Variants in TP63 observed in about 807,000 individuals in gnomAD.
The protein encoded by TP63 is tumor protein p63, also known as tumor protein 63.
Under a neutral mutation model 82.8 loss-of-function variants are expected in TP63, and 17 were observed. That is an observed-to-expected ratio of 0.21 (90% CI 0.14 to 0.31). TP63 has a LOEUF of 0.31. Ranked by LOEUF, TP63 falls within the 10% of genes least tolerant of loss-of-function variation. TP63 has a pLI of 1.00. For synonymous variants in TP63, 330 were observed against 321.7 expected (o/e 1.03, Z -0.28); for missense variants, 648 against 895.3 (o/e 0.72, Z 3.52).
chr3:189,785,035 G>C (rs1419689749), intron 3 of TP63, among the ~76,000 whole-genome samples: 1 of 152,044 alleles, frequency 6.6e-6, no homozygotes, highest in East Asian at 1.9e-4. Flanking sequence ...TTTCACGCAT[G>C]TTCTAAAAAC....
chr3:189,720,282 T>C (rs911119876), intron 1 of TP63, among the ~76,000 whole-genome samples: 1 of 152,192 alleles, frequency 6.6e-6, no homozygotes, highest in Non-Finnish European at 1.5e-5. Flanking sequence ...GATCAAAGCT[T>C]GTGAACACTC....
At chr3:189,839,899 T>C (rs7610858) in intron 4 of TP63, among the ~76,000 whole-genome samples, 152,226 of 152,284 alleles carry the variant, frequency 1, 76,084 homozygotes, top group Middle Eastern at 1. Flanking sequence ...GCAAGGGTGC[T>C]GCAGTGAGGG....
chr3:189,707,168 C>T (rs1718265995), intron 1 of TP63, among the ~76,000 whole-genome samples: 1 of 152,176 alleles, frequency 6.6e-6, no homozygotes, highest in African/African-American at 2.4e-5. Context: ...TTTTTAAAAA[C>T]CATCTACTAT....
chr3:189,791,245 A>G (rs372214401), intron 3 of TP63, among the ~76,000 whole-genome samples: 4 of 152,138 alleles, frequency 2.6e-5, no homozygotes, highest in Non-Finnish European at 5.9e-5. Context: ...CACACACAGT[A>G]TTTATAAGCC....
At chr3:189,670,347 C>A (rs761329084) in intron 1 of TP63, among the ~76,000 whole-genome samples, 2 of 151,996 alleles carry the variant, frequency 1.3e-5, no homozygotes, top group Non-Finnish European at 2.9e-5. Flanking sequence ...GCACACAATA[C>A]ATGACAACTG....
chr3:189,881,269 T>A (rs1383806940), intron 10 of TP63: 1 of 985,164 alleles, frequency 1.0e-6, no homozygotes, highest in Non-Finnish European at 1.2e-6. Flanking sequence ...AGACTACTTT[T>A]CTTTTTTTTA....
the TP63 span, among the ~76,000 whole-genome samples, chr3:189,604,173 A>G: frequency 3.9e-5 from 6 of 152,292 alleles, no homozygotes; most frequent in African/African-American, 1.4e-4. Context: ...TGTCCATTCC[A>G]TACTCCCACC....
At chr3:189,637,600 G>C (rs1711501168) in intron 1 of TP63, among the ~76,000 whole-genome samples, 1 of 152,114 alleles carries the variant, frequency 6.6e-6, no homozygotes, top group Admixed American at 6.6e-5. Flanking sequence ...TTGACTACCA[G>C]TTCAAAGCTC....
At chr3:189,806,255 G>T (rs1726892007) in intron 3 of TP63, among the ~76,000 whole-genome samples, 1 of 151,854 alleles carries the variant, frequency 6.6e-6, no homozygotes, top group African/African-American at 2.4e-5. Flanking sequence ...TTCCTTCTGT[G>T]TAGCTAGAAG....
intron 1 of TP63, among the ~76,000 whole-genome samples, chr3:189,673,337 A>C (rs1715097775): frequency 6.6e-6 from 1 of 152,294 alleles, no homozygotes; most frequent in East Asian, 1.9e-4. Flanking sequence ...ATTAGAGAAA[A>C]GGGAAAGTTT....
the TP63 span, among the ~76,000 whole-genome samples, chr3:189,605,991 G>A: frequency 6.6e-6 from 1 of 152,044 alleles, no homozygotes; most frequent in East Asian, 1.9e-4. Flanking sequence ...ATAACACTGT[G>A]GTTCCAAAGA....
intron 4 of TP63, among the ~76,000 whole-genome samples, chr3:189,811,305 A>G (rs1386430605): frequency 6.6e-6 from 1 of 152,206 alleles, no homozygotes; most frequent in African/African-American, 2.4e-5. Context: ...GCATCGATAT[A>G]TTGTCTGCCA....
intron 3 of TP63, among the ~76,000 whole-genome samples, chr3:189,753,676 A>G (rs1426083632): frequency 6.6e-6 from 1 of 152,030 alleles, no homozygotes. Flanking sequence ...GTAATTATCA[A>G]TATGGTACTT....
chr3:189,744,269 T>G (rs554757166), intron 3 of TP63, among the ~76,000 whole-genome samples: 3 of 152,152 alleles, frequency 2.0e-5, no homozygotes, highest in Non-Finnish European at 2.9e-5. Context: ...GGGGCTGAGA[T>G]GCAAGCAAAG....
chr3:189,760,097 T>C (rs1476416676), intron 3 of TP63, among the ~76,000 whole-genome samples: 4 of 152,144 alleles, frequency 2.6e-5, no homozygotes, highest in South Asian at 4.1e-4. Context: ...ACAAGGGAAT[T>C]ATGGGAGCTA....
intron 4 of TP63, among the ~76,000 whole-genome samples, chr3:189,828,645 G>A (rs1711817796): frequency 6.6e-6 from 1 of 152,150 alleles, no homozygotes; most frequent in Non-Finnish European, 1.5e-5. Flanking sequence ...AAATGTTTGG[G>A]TAAAAAATTT....
At chr3:189,767,294 A>G (rs1049494451) in intron 3 of TP63, among the ~76,000 whole-genome samples, 7 of 152,164 alleles carry the variant, frequency 4.6e-5, no homozygotes, top group Admixed American at 4.6e-4. Flanking sequence ...AAGAAAAAAA[A>G]ACATGAACAG....
chr3:189,757,283 G>A (rs80281161), intron 3 of TP63, among the ~76,000 whole-genome samples: 7,380 of 152,250 alleles, frequency 0.048, 356 homozygotes, highest in East Asian at 0.25. Context: ...GCTATTATCA[G>A]AGGTGGTGTG....
chr3:189,795,641 C>T (rs1193259125), intron 3 of TP63, among the ~76,000 whole-genome samples: 2 of 151,954 alleles, frequency 1.3e-5, no homozygotes, highest in South Asian at 2.1e-4. Flanking sequence ...TTGGTTTAAA[C>T]ACTGATATGT....
Sources: allele counts gnomAD v4.1 joint callset (sites outside exome capture counted in the v4.1 genomes callset), GRCh38; gene constraint gnomAD v4.1.1; transcripts MANE v1.5; gene names NCBI Gene and HGNC (gene_info 2026-07-23, HGNC 2026-07-21).